The following BCR variants were observed in gnomAD, a reference collection of about 807,000 sequenced individuals.
The protein encoded by BCR is breakpoint cluster region protein.
BCR carries 58 observed loss-of-function variants against 138.6 expected under a neutral mutation model. That is an observed-to-expected ratio of 0.42 (90% CI 0.34 to 0.52). The LOEUF (loss-of-function observed/expected upper bound fraction) is 0.52, where lower values mean the gene tolerates loss of function less well. Ranked by LOEUF, BCR falls within the 20% of genes least tolerant of loss-of-function variation. The pLI is 0.06. For missense variants in BCR, 1,599 were observed against 1,727.2 expected (o/e 0.93, Z 1.32); for synonymous variants, 786 against 730.1 (o/e 1.08, Z -1.23).
intron 1 of BCR, among the ~76,000 whole-genome samples, chr22:23,184,431 T>A (rs2072312832): frequency 6.6e-6 from 1 of 152,140 alleles, no homozygotes; most frequent in African/African-American, 2.4e-5. Context: ...TAAACATTTT[T>A]AAAAGGGATT....
In BCR at chr22:23,181,889, C is replaced by G; in HGVS notation, c.929C>G (p.Thr310Ser). Residue 310 changes from threonine to serine, a missense_variant, in exon 1 of 23, where the codon ACC (threonine) becomes AGC (serine). Thr to Ser is a moderately conservative substitution (Grantham distance 58). This residue lies in a region of BCR where 806 missense variants were observed against 635.0 expected (regional missense o/e 1.27). Coordinates refer to ENST00000305877, the MANE Select transcript of BCR (RefSeq NM_004327.4). Reference sequence around the variant, plus strand: ...ACCTCTGAGCAGGAGAAGCGCCTTACCTGGCCCCGCAGGTCCTACTCCCCC... The same window carrying G: ...ACCTCTGAGCAGGAGAAGCGCCTTAGCTGGCCCCGCAGGTCCTACTCCCCC... ...QSTSEQEKRLTWPRRSYSPRS... is the reference protein window; with the variant it reads ...QSTSEQEKRLSWPRRSYSPRS... 6.2e-7 allele frequency: 1 copy of G among 1,613,446 alleles called. No individual in the cohort carries two copies. The highest frequency in any genetic ancestry group is 8.5e-7 in the Non-Finnish European group (1 of 1,179,942).
intron 5 of BCR, among the ~76,000 whole-genome samples, chr22:23,270,664 T>A (rs1305103704): frequency 1.3e-5 from 2 of 152,254 alleles, no homozygotes; most frequent in Non-Finnish European, 1.5e-5. Context: ...TTGAGATGTT[T>A]CCTGCAGCAC....
At chr22:23,275,117 G>T (rs2073560889) in intron 8 of BCR, among the ~76,000 whole-genome samples, 1 of 152,126 alleles carries the variant, frequency 6.6e-6, no homozygotes, top group Non-Finnish European at 1.5e-5. Flanking sequence ...ACCACTTTGG[G>T]AATGGTACCC....
chr22:23,187,652 TC>T (rs1465311887), intron 1 of BCR, among the ~76,000 whole-genome samples: 1 of 152,094 alleles, frequency 6.6e-6, no homozygotes, highest in Admixed American at 6.6e-5. Flanking sequence ...TTTCTTTTTT[TC>T]CCCCATTGAG....
At chr22:23,244,610 G>A (rs1242902632) in intron 1 of BCR, among the ~76,000 whole-genome samples, 10 of 152,274 alleles carry the variant, frequency 6.6e-5, no homozygotes, top group African/African-American at 1.9e-4. Context: ...CATGGATTCC[G>A]CTGGCTCCCA....
intron 4 of BCR, among the ~76,000 whole-genome samples, chr22:23,266,169 CTG>C (rs1415827897): frequency 1.3e-5 from 2 of 152,138 alleles, no homozygotes; most frequent in African/African-American, 4.8e-5. Flanking sequence ...ACTGCAACCT[CTG>C]CCTCCTGGGT....
intron 17 of BCR, 60 bp from the exon 18 acceptor site, chr22:23,310,264 G>A: frequency 3.6e-6 from 3 of 840,502 alleles, no homozygotes; most frequent in East Asian, 3.2e-5. Context: ...GGGGTCCTTG[G>A]GACCTTGGGC....
rs371826170 is a variant in BCR at position 23,295,404 on chromosome 22, G to A, written c.3012+249G>A. Among the ~76,000 whole-genome samples the A allele has an allele frequency of 9.9e-4, 150 of 152,284 alleles. 3 individuals carry two copies. In the South Asian group the frequency reaches 0.024, roughly 24 times the overall value. On this transcript the variant is annotated intron_variant, in intron 16 of 22. Transcript: ENST00000305877. Reference sequence around the variant, plus strand: ...TCCCAAAGGAATTTCCATTCAACTTGGTTTTGCAGCTGGGGCCTCAGTTCC... The same window carrying A: ...TCCCAAAGGAATTTCCATTCAACTTAGTTTTGCAGCTGGGGCCTCAGTTCC...
chr22:23,307,381 G>A lies in BCR; in HGVS notation c.3013-2043G>A, dbSNP rs1171696785. Among the ~76,000 whole-genome samples, 6 of 151,034 alleles carry A rather than the reference G, an allele frequency of 4.0e-5. No homozygotes were observed. In the East Asian group the frequency reaches 1.2e-3, roughly 30 times the overall value. On this transcript the variant is annotated intron_variant, in intron 16 of 22. Coordinates refer to ENST00000305877, the MANE Select transcript of BCR (RefSeq NM_004327.4). Reference sequence around the variant, plus strand: ...GGCCTTTCAAAGTGCTGATATCACAGGCAGGGTTTCCATTTTTTAAAGCTC... The same window carrying A: ...GGCCTTTCAAAGTGCTGATATCACAAGCAGGGTTTCCATTTTTTAAAGCTC...
At chr22:23,218,999 C>T (rs116942720) in intron 1 of BCR, among the ~76,000 whole-genome samples, 7,376 of 131,554 alleles carry the variant, frequency 0.056, 261 homozygotes, top group Middle Eastern at 0.09. Flanking sequence ...GCTGATCCCT[C>T]GTTATGGAGC....
chr22:23,284,225 A>T, intron 9 of BCR, 127 bp downstream of exon 9: 1 of 1,366,254 alleles, frequency 7.3e-7, no homozygotes, highest in East Asian at 2.6e-5. Flanking sequence ...CTTGGGCACA[A>T]TGCCAGGCTC....
intron 1 of BCR, among the ~76,000 whole-genome samples, chr22:23,232,441 G>T (rs1405544517): frequency 6.6e-6 from 1 of 152,224 alleles, no homozygotes; most frequent in Non-Finnish European, 1.5e-5. Context: ...CAGCACTACT[G>T]GCACAAGGGT....
At chr22:23,233,672 C>T (rs2146246134) in intron 1 of BCR, among the ~76,000 whole-genome samples, 1 of 152,016 alleles carries the variant, frequency 6.6e-6, no homozygotes, top group African/African-American at 2.4e-5. Context: ...CTCTTGTAGT[C>T]CCAGCTATTC....
At chr22:23,190,712 G>A (rs953461375) in intron 1 of BCR, among the ~76,000 whole-genome samples, 4 of 152,074 alleles carry the variant, frequency 2.6e-5, no homozygotes, top group Admixed American at 1.3e-4. Flanking sequence ...GTTTGTGCCG[G>A]CTCCCTCAGA....
At chr22:23,208,409 AT>A (rs1379327170) in intron 1 of BCR, among the ~76,000 whole-genome samples, 5 of 119,802 alleles carry the variant, frequency 4.2e-5, no homozygotes. Context: ...TTTTCATTTG[AT>A]TTTATGTTTT....
At chr22:23,299,679 T>G (rs2073883292) in intron 16 of BCR, among the ~76,000 whole-genome samples, 1 of 146,482 alleles carries the variant, frequency 6.8e-6, no homozygotes, top group Middle Eastern at 3.3e-3. Context: ...ATACATTGTT[T>G]AATGGATCTA....
At chr22:23,242,992 C>A (rs1166852646) in intron 1 of BCR, 6 of 415,084 alleles carry the variant, frequency 1.4e-5, no homozygotes, top group Non-Finnish European at 2.9e-5. Context: ...TCCTGTATGC[C>A]TGTGTCTTCT....
intron 1 of BCR, among the ~76,000 whole-genome samples, chr22:23,185,814 C>T (rs1260368276): frequency 1.3e-5 from 2 of 151,574 alleles, no homozygotes; most frequent in South Asian, 2.1e-4. Flanking sequence ...CTGCAAGCTC[C>T]GCCTCTCGGC....
At chr22:23,272,798 G>A (rs1295479022) in intron 6 of BCR, among the ~76,000 whole-genome samples, 1 of 152,162 alleles carries the variant, frequency 6.6e-6, no homozygotes, top group Middle Eastern at 3.2e-3. Flanking sequence ...CTGACCTCAG[G>A]CTAGAGGAGC....
Sources: gnomAD v4.1 joint callset for allele counts (sites outside exome capture counted in the v4.1 genomes callset) on GRCh38, gnomAD v4.1.1 for gene constraint, gnomAD v4.1.1 regional missense constraint, MANE v1.5 for transcripts, NCBI Gene and HGNC (gene_info 2026-07-23, HGNC 2026-07-21) for gene names.